The following KIF1B variants were observed in gnomAD, a reference collection of about 807,000 sequenced individuals.
KIF1B encodes the protein kinesin-like protein KIF1B.
In KIF1B, 76 loss-of-function variants were observed where a neutral mutation model predicts 241.9. That is an observed-to-expected ratio of 0.31 (90% CI 0.26 to 0.38). KIF1B has a LOEUF of 0.38. Among genes scored for constraint, KIF1B ranks in the 10% least tolerant of loss-of-function variants. The pLI is 1.00. For missense variants in KIF1B, 1,622 were observed against 2,271.4 expected (o/e 0.71, Z 5.81); for synonymous variants, 750 against 796.7 (o/e 0.94, Z 0.99).
At chr1:10,247,352 T>C (rs1647236608) in intron 2 of KIF1B, among the ~76,000 whole-genome samples, 2 of 152,218 alleles carry the variant, frequency 1.3e-5, no homozygotes, top group South Asian at 4.1e-4. Flanking sequence ...GGTGGCAGCT[T>C]GTTTGCTTTT....
intron 1 of KIF1B, among the ~76,000 whole-genome samples, chr1:10,223,542 TTTTG>T (rs1646871688): frequency 7.8e-6 from 1 of 128,254 alleles, no homozygotes; most frequent in African/African-American, 2.9e-5. Context: ...TTTTGTTTTG[TTTTG>T]TTTTTTTTTT....
intron 1 of KIF1B, chr1:10,211,728 G>A (rs1183255254): frequency 2.7e-5 from 4 of 150,900 alleles, no homozygotes; most frequent in Non-Finnish European, 4.4e-5. Flanking sequence ...ATTGCTAAAT[G>A]AGCTTCCAAG....
In KIF1B at chr1:10,282,475, G is replaced by A. The variant is rs375389310; in HGVS notation, c.1376G>A (p.Ser459Asn). Residue 459 changes from serine (S) to asparagine (N), a missense_variant, in exon 15 of 49, where the codon AGT (serine) becomes AAT (asparagine). By Grantham distance (46) the Ser-to-Asn change is conservative (BLOSUM62 1). Transcript: ENST00000676179. ...SSQVGLTSVT[S>N]IQERIMSTPG... ...CAGGTGGGCTTGACGTCTGTGACCA[G>A]TATTCAAGAGAGGATCATGTCTACA... The A allele has an allele frequency of 3.1e-5, 50 of 1,614,120 alleles. No homozygotes were observed. The African/African-American group carries it at 4.5e-4, about 15-fold the overall frequency.
intron 2 of KIF1B, among the ~76,000 whole-genome samples, chr1:10,237,873 G>A (rs1351139400): frequency 2.6e-5 from 4 of 151,838 alleles, no homozygotes; most frequent in Non-Finnish European, 4.4e-5. Flanking sequence ...GCTGGGTGTG[G>A]TGGTGTGCAC....
chr1:10,238,147 A>T (rs1369526240), intron 2 of KIF1B, among the ~76,000 whole-genome samples: 1 of 149,860 alleles, frequency 6.7e-6, no homozygotes, highest in East Asian at 2.0e-4. Flanking sequence ...TTGGGAGGCC[A>T]AGTTGGGTGG....
intron 5 of KIF1B, among the ~76,000 whole-genome samples, chr1:10,267,178 C>G (rs1029320013): frequency 2.0e-5 from 3 of 152,110 alleles, no homozygotes; most frequent in Non-Finnish European, 4.4e-5. Flanking sequence ...GCCACCACGC[C>G]TGGCTCCTTT....
At chr1:10,276,480 C>T in intron 12 of KIF1B, 81 bp downstream of exon 12, 1 of 899,676 alleles carries the variant, frequency 1.1e-6, no homozygotes, top group South Asian at 1.4e-5. Flanking sequence ...TGTTTTTATG[C>T]TATCTGGGTA....
chr1:10,261,177 G>A lies in KIF1B; in HGVS notation c.364-728G>A, dbSNP rs193064408. On this transcript the variant is annotated intron_variant, in intron 4 of 48. Transcript: ENST00000676179. ...AGACGGGGTTTCACAATGTTGGCCAGGCTGGTCTTGAACTCCTGGCCTCAA... is the reference window on the plus strand; with the variant it reads ...AGACGGGGTTTCACAATGTTGGCCAAGCTGGTCTTGAACTCCTGGCCTCAA... Among the ~76,000 whole-genome samples the A allele has an allele frequency of 2.0e-3, 307 of 151,816 alleles. 2 individuals are homozygous for A. Among genetic ancestry groups the A allele is most frequent in the African/African-American group, 6.9e-3 (284 of 41,406 alleles).
At position 10,232,233 on chromosome 1, in the gene KIF1B, T is replaced by G; in HGVS notation, c.-79-17T>G. On this transcript the variant is annotated splice_polypyrimidine_tract_variant and intron_variant, in intron 1 of 48. Transcript: ENST00000676179. ...TTAATTCTGACTACCTCATATGGAATTTTTTTCTTTTCAAAGGAAACTTGG... is the reference window on the plus strand; with the variant it reads ...TTAATTCTGACTACCTCATATGGAAGTTTTTTCTTTTCAAAGGAAACTTGG... 1.1e-6 allele frequency: 1 copy of G among 891,674 alleles called. No homozygotes were observed. The highest frequency in any genetic ancestry group is 1.8e-6 in the Non-Finnish European group (1 of 556,112). 55.2% of individuals were successfully genotyped at this position (891,674 alleles called of 1,614,324 possible).
Position 10,348,751 on chromosome 1 carries a change from G to A in KIF1B, c.3949+18G>A, listed in dbSNP as rs751132744. 2 of 1,593,468 alleles carry A rather than the reference G, an allele frequency of 1.3e-6. No individual in the cohort carries two copies. The highest frequency in any genetic ancestry group is 4.5e-5 in the East Asian group (2 of 44,776). ...GGTGGTAGGTGAGTACGTTTCATCA[G>A]CCAAGGATAGAACCAGGACTTACAG... On this transcript the variant is annotated intron_variant, in intron 37 of 48. Transcript: ENST00000676179.
At chr1:10,307,860 CT>C in intron 22 of KIF1B, 1 of 1,045,888 alleles carries the variant, frequency 9.6e-7, no homozygotes, top group African/African-American at 1.7e-5. Context: ...AAGACATTCT[CT>C]TTAGTAAGTG....
At chr1:10,252,519 T>G (rs888485472) in intron 2 of KIF1B, among the ~76,000 whole-genome samples, 1 of 151,706 alleles carries the variant, frequency 6.6e-6, no homozygotes, top group Non-Finnish European at 1.5e-5. Flanking sequence ...TCAGGTGATC[T>G]TCCTACCTAA....
At chr1:10,239,847 G>A (rs1461886371) in intron 2 of KIF1B, among the ~76,000 whole-genome samples, 2 of 151,222 alleles carry the variant, frequency 1.3e-5, no homozygotes, top group Non-Finnish European at 3.0e-5. Flanking sequence ...CTCACTGCAA[G>A]CTCTGCCTCC....
At chr1:10,256,145 A>G (rs1647768430) in intron 2 of KIF1B, 102 bp from the exon 3 acceptor site, 2 of 780,944 alleles carry the variant, frequency 2.6e-6, no homozygotes, top group Non-Finnish European at 4.6e-6. Flanking sequence ...ATTTAGTGGT[A>G]TGAATTTACT....
At chr1:10,362,851 A>T (rs1638461946) in intron 40 of KIF1B, among the ~76,000 whole-genome samples, 2 of 152,058 alleles carry the variant, frequency 1.3e-5, no homozygotes, top group African/African-American at 2.4e-5. Context: ...TGGAAGGATC[A>T]CTTGAGGCCA....
chr1:10,352,549 T>C, intron 37 of KIF1B, 82 bp from the exon 38 acceptor site: 1 of 1,249,112 alleles, frequency 8.0e-7, no homozygotes, highest in East Asian at 2.3e-5. Flanking sequence ...CACAGAGATT[T>C]AAAAGTCTCT....
intron 28 of KIF1B, among the ~76,000 whole-genome samples, chr1:10,335,595 A>G (rs2102313755): frequency 6.6e-6 from 1 of 151,936 alleles, no homozygotes; most frequent in Non-Finnish European, 1.5e-5. Flanking sequence ...TTAACAAAGG[A>G]TTGTTAGGCC....
intron 2 of KIF1B, among the ~76,000 whole-genome samples, chr1:10,245,980 A>G (rs6700866): frequency 0.28 from 41,990 of 151,998 alleles, 5,923 homozygotes; most frequent in Admixed American, 0.33. Context: ...TCTCTCCAGA[A>G]AAGAGAGACG....
intron 27 of KIF1B, among the ~76,000 whole-genome samples, chr1:10,331,190 C>T (rs1651910015): frequency 6.6e-6 from 1 of 152,080 alleles, no homozygotes; most frequent in Non-Finnish European, 1.5e-5. Context: ...CTTTAATGGC[C>T]CAGGCCTTGA....
Sources: gnomAD v4.1 joint callset for allele counts (sites outside exome capture counted in the v4.1 genomes callset) on GRCh38, gnomAD v4.1.1 for gene constraint, MANE v1.5 for transcripts, NCBI Gene and HGNC (gene_info 2026-07-23, HGNC 2026-07-21) for gene names.